PDE4D: variants seen among roughly 807,000 people sequenced by gnomAD.
PDE4D encodes phosphodiesterase 4D.
In PDE4D, 24 loss-of-function variants were observed where a neutral mutation model predicts 87.4. The ratio of observed to expected loss-of-function variants is 0.27; its 90% CI spans 0.20 to 0.39. The LOEUF (loss-of-function observed/expected upper bound fraction) is 0.39. PDE4D is among the 10% of genes least tolerant of loss of function. The pLI is 1.00. For synonymous variants in PDE4D, 384 were observed against 383.2 expected (o/e 1.00, Z -0.02); for missense variants, 714 against 1,041.0 (o/e 0.69, Z 4.32).
chr5:59,916,882 G>A (rs1754108099), intron 3 of PDE4D, among the ~76,000 whole-genome samples: 1 of 151,400 alleles, frequency 6.6e-6, no homozygotes, highest in Non-Finnish European at 1.5e-5. Context: ...CCACCTCCTG[G>A]GTTCAAGCAA....
intron 1 of PDE4D, among the ~76,000 whole-genome samples, chr5:59,637,223 A>G (rs1366663515): frequency 6.6e-6 from 1 of 152,222 alleles, no homozygotes; most frequent in Non-Finnish European, 1.5e-5. Context: ...TAGAATGACG[A>G]TCATTAAAAA....
chr5:60,143,631 G>GTGTGTGTT (rs1780741275), intron 2 of PDE4D, among the ~76,000 whole-genome samples: 1 of 146,718 alleles, frequency 6.8e-6, no homozygotes, highest in African/African-American at 2.6e-5. Flanking sequence ...GTGTGTGTGT[G>GTGTGTGTT]TGTGTGTGTG....
intron 1 of PDE4D, among the ~76,000 whole-genome samples, chr5:59,344,322 G>T (rs542549303): frequency 6.6e-6 from 1 of 152,262 alleles, no homozygotes. Context: ...TGCTTGAAAA[G>T]CAGCCCATGA....
intron 1 of PDE4D, chr5:59,276,134 A>G (rs1764766138): frequency 1.0e-6 from 1 of 984,116 alleles, no homozygotes; most frequent in African/African-American, 1.8e-5. Flanking sequence ...AAAAAAAAAA[A>G]AAAAAAAAAG....
intron 2 of PDE4D, among the ~76,000 whole-genome samples, chr5:60,102,310 A>C (rs1776299578): frequency 6.6e-6 from 1 of 151,680 alleles, no homozygotes; most frequent in Non-Finnish European, 1.5e-5. Flanking sequence ...GATTTGTTAC[A>C]TGGGAGTATT....
chr5:59,770,514 C>A (rs1763330938), intron 1 of PDE4D, among the ~76,000 whole-genome samples: 1 of 152,068 alleles, frequency 6.6e-6, no homozygotes, highest in South Asian at 2.1e-4. Context: ...GAAAGAAGTG[C>A]ACTTTACGAG....
At chr5:59,863,639 TA>T (rs1323322987) in intron 1 of PDE4D, among the ~76,000 whole-genome samples, 1 of 152,242 alleles carries the variant, frequency 6.6e-6, no homozygotes, top group East Asian at 1.9e-4. Flanking sequence ...CTCCAGCATT[TA>T]TCTGAATTTA....
intron 1 of PDE4D, among the ~76,000 whole-genome samples, chr5:60,412,675 T>C (rs1298557544): frequency 2.0e-5 from 3 of 152,218 alleles, no homozygotes; most frequent in African/African-American, 7.2e-5. Flanking sequence ...ATGTTTCCAA[T>C]GATGACTATG....
chr5:59,779,908 C>T (rs963084955), intron 1 of PDE4D, among the ~76,000 whole-genome samples: 1 of 152,154 alleles, frequency 6.6e-6, no homozygotes, highest in African/African-American at 2.4e-5. Context: ...CCAAATTGTT[C>T]TCCAAAGTAG....
chr5:60,123,857 A>G (rs1778903002), intron 2 of PDE4D, among the ~76,000 whole-genome samples: 1 of 152,214 alleles, frequency 6.6e-6, no homozygotes, highest in Non-Finnish European at 1.5e-5. Flanking sequence ...AAATGTGGCT[A>G]AGCAAAAGCA....
intron 1 of PDE4D, among the ~76,000 whole-genome samples, chr5:59,296,133 GT>G (rs1407333806): frequency 2.0e-5 from 3 of 152,138 alleles, no homozygotes; most frequent in African/African-American, 7.2e-5. Flanking sequence ...TGGTTACTAG[GT>G]TTCCTTTTAG....
intron 11 of PDE4D, among the ~76,000 whole-genome samples, chr5:58,986,297 A>T (rs1436144896): frequency 6.6e-6 from 1 of 152,206 alleles, no homozygotes; most frequent in South Asian, 2.1e-4. Flanking sequence ...AGAGTATCAG[A>T]TTCATCTGTA....
At chr5:59,932,069 C>G (rs1322545764) in intron 3 of PDE4D, among the ~76,000 whole-genome samples, 1 of 152,202 alleles carries the variant, frequency 6.6e-6, no homozygotes, top group Non-Finnish European at 1.5e-5. Context: ...ATATGCCTTT[C>G]TGATCCTGCC....
intron 1 of PDE4D, among the ~76,000 whole-genome samples, chr5:60,271,618 T>A (rs1458656015): frequency 6.6e-6 from 1 of 152,136 alleles, no homozygotes; most frequent in African/African-American, 2.4e-5. Context: ...AGAGAAAATA[T>A]GAGGAGAAGG....
At chr5:60,314,476 A>T (rs1170785781) in intron 1 of PDE4D, among the ~76,000 whole-genome samples, 1 of 151,824 alleles carries the variant, frequency 6.6e-6, no homozygotes, top group Admixed American at 6.6e-5. Flanking sequence ...GGACAGTATG[A>T]TTTTATTTTA....
chr5:59,598,789 C>T (rs905272950), intron 1 of PDE4D, among the ~76,000 whole-genome samples: 1 of 152,068 alleles, frequency 6.6e-6, no homozygotes, highest in Non-Finnish European at 1.5e-5. Context: ...ACTATTAATA[C>T]TAATTTTCAG....
intron 3 of PDE4D, among the ~76,000 whole-genome samples, chr5:59,901,495 G>A (rs1752256398): frequency 6.6e-6 from 1 of 152,148 alleles, no homozygotes; most frequent in African/African-American, 2.4e-5. Context: ...TCAAGAAAGT[G>A]AGAGGATAAG....
At chr5:60,402,898 C>A (rs1196718889) in intron 1 of PDE4D, among the ~76,000 whole-genome samples, 1 of 152,198 alleles carries the variant, frequency 6.6e-6, no homozygotes. Flanking sequence ...CCTGTCCTTG[C>A]AGGGCTATAA....
chr5:59,911,589 C>T (rs994432510), intron 3 of PDE4D, among the ~76,000 whole-genome samples: 2 of 152,142 alleles, frequency 1.3e-5, no homozygotes, highest in East Asian at 1.9e-4. Flanking sequence ...TATTGCAATT[C>T]GTTTGTTTTG....
Sources: gnomAD v4.1 joint callset for allele counts (sites outside exome capture counted in the v4.1 genomes callset) on GRCh38, gnomAD v4.1.1 for gene constraint, MANE v1.5 for transcripts, NCBI Gene and HGNC (gene_info 2026-07-23, HGNC 2026-07-21) for gene names.